ARR3: variants seen among roughly 807,000 people sequenced by gnomAD.
ARR3 encodes arrestin-C.
ARR3 carries 14 observed loss-of-function variants against 35.4 expected under a neutral mutation model. The ratio of observed to expected loss-of-function variants is 0.40; its 90% CI spans 0.26 to 0.62. ARR3 has a LOEUF of 0.62. Ranked by LOEUF, ARR3 falls within the 20% of genes least tolerant of loss-of-function variation. ARR3 has a pLI of 0.46. For synonymous variants in ARR3, 97 were observed against 119.1 expected (o/e 0.81, Z 1.21); for missense variants, 259 against 303.8 (o/e 0.85, Z 1.10).
chrX:70,269,644 C>T lies in ARR3; in HGVS notation c.9-18C>T. ...TCCAATCCCCCTCTCCATCCTCTTT[C>T]TGGTTTTCTCCTCATAGGGTGTTTA... On this transcript the variant is annotated intron_variant, in intron 2 of 16. Transcript: ENST00000307959. 1 of 1,204,633 alleles carries T rather than the reference C, an allele frequency of 8.3e-7. No individual in the cohort carries two copies. Among genetic ancestry groups the T allele is most frequent in the Non-Finnish European group, 1.1e-6 (1 of 891,042 alleles).
In ARR3 at chrX:70,276,166, T is replaced by C. The variant is rs1450582352; in HGVS notation, c.230T>C (p.Val77Ala). The C allele has an allele frequency of 8.3e-7, 1 of 1,209,958 alleles. No individual in the cohort carries two copies. The highest frequency in any genetic ancestry group is 1.8e-5 in the African/African-American group (1 of 57,134). The stretch of plus-strand genomic sequence containing the variant: ...CTGACGTTCCGAAAAGATCTGTATG[T>C]GCAGACCCTGCAAGTGGTCCCAGCT... ...IGLTFRKDLY[V>A]QTLQVVPAES... Residue 77 changes from valine to alanine, a missense_variant, in exon 6 of 17, where the codon GTG (valine) becomes GCG (alanine). Transcript: ENST00000307959.
chrX:70,269,510 C>A, intron 2 of ARR3, 117 bp downstream of exon 2: 2 of 952,024 alleles, frequency 2.1e-6, no homozygotes, highest in Non-Finnish European at 1.5e-6. Flanking sequence ...TTGGATTCTA[C>A]CCCAATTATC....
intron 2 of ARR3, 56 bp downstream of exon 2, chrX:70,269,449 G>C: frequency 9.1e-7 from 1 of 1,103,754 alleles, no homozygotes; most frequent in Non-Finnish European, 1.2e-6. Flanking sequence ...CCCAATCCAA[G>C]TATTTCCCTT....
At chrX:70,269,439 C>A (rs1278935608) in intron 2 of ARR3, 46 bp downstream of exon 2, 3 of 1,127,546 alleles carry the variant, frequency 2.7e-6, no homozygotes, top group Non-Finnish European at 2.4e-6. Context: ...TGCTCCCTAC[C>A]CCAATCCAAG....
intron 13 of ARR3, 38 bp from the exon 14 acceptor site, chrX:70,280,520 AT>A: frequency 8.5e-7 from 1 of 1,175,907 alleles, no homozygotes; most frequent in Non-Finnish European, 1.1e-6. Context: ...CCCCTTCTCT[AT>A]TTCCCGCTGC....
intron 5 of ARR3, among the ~76,000 whole-genome samples, chrX:70,270,520 G>A (rs943919209): frequency 1.8e-5 from 2 of 111,809 alleles, no homozygotes; most frequent in African/African-American, 3.2e-5. Flanking sequence ...TATTATTACT[G>A]GTGGTGCCCC....
chrX:70,273,123 T>C (rs949676877), intron 5 of ARR3, among the ~76,000 whole-genome samples: 1 of 110,807 alleles, frequency 9.0e-6, no homozygotes, highest in African/African-American at 3.3e-5. Flanking sequence ...AAAGTATGAG[T>C]TCAATTATAA....
chrX:70,280,178 A>G lies in ARR3; in HGVS notation c.906-17A>G. ...TTCATGCCCCAAACACCCTAAAACG[A>G]ATACTACAACCTCCAGTATTAGACC... On this transcript the variant is annotated splice_polypyrimidine_tract_variant and intron_variant, in intron 12 of 16. Transcript: ENST00000307959. 1 of 1,203,946 alleles carries G rather than the reference A, an allele frequency of 8.3e-7. No homozygotes were observed. Among genetic ancestry groups the G allele is most frequent in the East Asian group, 3.0e-5 (1 of 33,798 alleles).
intron 13 of ARR3, 55 bp downstream of exon 13, chrX:70,280,333 C>T (rs969056945): frequency 3.3e-5 from 37 of 1,116,103 alleles, no homozygotes; most frequent in Non-Finnish European, 3.9e-5. Context: ...AAGGGCTTTT[C>T]GCCTCTGTTT....
chrX:70,276,803 T>A lies in ARR3; in HGVS notation c.473+67T>A, dbSNP rs2085655375. ...TGCCAGGAAACAGATCCTGCTCTCA[T>A]GACAGAAATAGCCCCACTTCTAACC... On this transcript the variant is annotated intron_variant, in intron 8 of 16. Coordinates refer to ENST00000307959, the MANE Select transcript of ARR3 (RefSeq NM_004312.3). 12 of 1,018,884 alleles carry A rather than the reference T, an allele frequency of 1.2e-5. No homozygotes were observed. The East Asian group carries it at 3.4e-4, about 29-fold the overall frequency. 84.0% of individuals were successfully genotyped at this position (1,018,884 alleles called of 1,213,427 possible).
At chrX:70,280,664 G>A (rs778851050) in intron 14 of ARR3, 82 bp downstream of exon 14, 2 of 1,187,015 alleles carry the variant, frequency 1.7e-6, no homozygotes, top group Non-Finnish European at 1.1e-6. Context: ...ATTGATTCTG[G>A]AGGGTCTGAG....
intron 5 of ARR3, among the ~76,000 whole-genome samples, chrX:70,272,255 C>T (rs2085632856): frequency 9.0e-6 from 1 of 110,661 alleles, no homozygotes; most frequent in Non-Finnish European, 1.9e-5. Context: ...CTATAATTGG[C>T]CATAATTGAG....
chrX:70,280,843 G>A, intron 15 of ARR3, 25 bp downstream of exon 15: 2 of 1,209,462 alleles, frequency 1.7e-6, no homozygotes, highest in Non-Finnish European at 2.2e-6. Flanking sequence ...GGAACTCACA[G>A]GGACGGCTGT....
At chrX:70,269,931 G>T (rs1273054529) in intron 4 of ARR3, 28 bp downstream of exon 4, 1 of 1,201,975 alleles carries the variant, frequency 8.3e-7, no homozygotes, top group Middle Eastern at 2.3e-4. Flanking sequence ...AGGGAAGCCT[G>T]GGGAAAGAGG....
chrX:70,278,380 CAT>C (rs1215971900), intron 11 of ARR3, 122 bp from the exon 12 acceptor site: 5 of 896,594 alleles, frequency 5.6e-6, no homozygotes, highest in Non-Finnish European at 7.7e-6. Context: ...TTCAGTTAAA[CAT>C]GTTACCTCTC....
intron 6 of ARR3, 32 bp downstream of exon 6, chrX:70,276,313 C>T: frequency 8.3e-7 from 1 of 1,199,904 alleles, no homozygotes; most frequent in East Asian, 3.0e-5. Context: ...CAGGCAAGGT[C>T]TCCAGGGAAG....
rs1051401922 is a variant in ARR3, at chrX:70,280,675, G to A, written c.1014-91G>A. ...AATGATTGATTCTGGAGGGTCTGAG[G>A]GCATCCAAAGACTGGAAAACTAAGG... On this transcript the variant is annotated intron_variant, in intron 14 of 16. Transcript: ENST00000307959. The A allele has an allele frequency of 3.6e-5, 43 of 1,193,279 alleles. No individual in the cohort carries two copies. The South Asian group carries it at 4.5e-4, about 12-fold the overall frequency.
At chrX:70,274,916 T>G (rs1180196295) in intron 5 of ARR3, among the ~76,000 whole-genome samples, 1 of 112,681 alleles carries the variant, frequency 8.9e-6, no homozygotes, top group Admixed American at 9.4e-5. Flanking sequence ...AGAGGCCACA[T>G]ACAAACCATA....
chrX:70,280,045 C>A, intron 12 of ARR3, 150 bp from the exon 13 acceptor site: 3 of 482,982 alleles, frequency 6.2e-6, no homozygotes, highest in South Asian at 3.7e-5. Flanking sequence ...GTGGTCTCAA[C>A]GGGTAGGAAA....
Sources: allele counts gnomAD v4.1 joint callset (sites outside exome capture counted in the v4.1 genomes callset), GRCh38; gene constraint gnomAD v4.1.1; transcripts MANE v1.5; gene names NCBI Gene and HGNC (gene_info 2026-07-23, HGNC 2026-07-21).